WRNIP1: variants seen among roughly 807,000 people sequenced by gnomAD.
WRNIP1 encodes the protein WRN helicase interacting protein 1.
WRNIP1 carries 41 observed loss-of-function variants against 56.1 expected under a neutral mutation model. The observed-to-expected ratio is 0.73, with a 90% CI of 0.57 to 0.95. The LOEUF (loss-of-function observed/expected upper bound fraction) is 0.95, where lower values mean the gene tolerates loss of function less well. Among genes scored for constraint, WRNIP1 ranks in the 40% least tolerant of loss-of-function variants. The pLI, the probability that WRNIP1 is intolerant of heterozygous loss-of-function variation, is 0.00. For synonymous variants in WRNIP1, 547 were observed against 398.1 expected, an observed-to-expected ratio of 1.37 and a Z score of -4.45; for missense variants, 1,170 against 939.4, an observed-to-expected ratio of 1.25 and a Z score of -3.21.
chr6:2,779,207 A>G, intron 3 of WRNIP1, 56 bp from the exon 4 acceptor site: 3 of 1,564,528 alleles, frequency 1.9e-6, no homozygotes, highest in African/African-American at 1.4e-5. Flanking sequence ...AGACATGTGC[A>G]GAACAAGAAG....
intron 3 of WRNIP1, among the ~76,000 whole-genome samples, chr6:2,772,481 A>G (rs931377763): frequency 6.6e-6 from 1 of 152,238 alleles, no homozygotes; most frequent in Non-Finnish European, 1.5e-5. Flanking sequence ...TGGTTTGGAA[A>G]TGAATAAATC....
chr6:2,773,551 A>AG, intron 3 of WRNIP1: 1 of 985,416 alleles, frequency 1.0e-6, no homozygotes, highest in Non-Finnish European at 1.2e-6. Flanking sequence ...TCTCCCAAAA[A>AG]TATTTGGATC....
intron 3 of WRNIP1, among the ~76,000 whole-genome samples, chr6:2,776,987 AG>A (rs1196977077): frequency 2.6e-5 from 4 of 152,216 alleles, no homozygotes; most frequent in African/African-American, 9.6e-5. Flanking sequence ...TTAATGGTTA[AG>A]GATGTAAAAC....
rs1261256493 is a variant in WRNIP1 at position 2,770,284 on chromosome 6, C to T, written c.1179C>T (p.Ile393=). 2.5e-6 allele frequency: 4 copies of T among 1,614,014 alleles called. No individual in the cohort carries two copies. The highest frequency in any genetic ancestry group is 2.5e-6 in the Non-Finnish European group (3 of 1,180,032). Residue 393 remains isoleucine, a synonymous_variant, in exon 3 of 7, where the codon ATC becomes ATT. Coordinates refer to ENST00000380773, the MANE Select transcript of WRNIP1 (RefSeq NM_020135.3). ...EAMVTILMRA[I]NSLGIHVLDS... The stretch of plus-strand genomic sequence containing the variant: ...TGGTGACTATTTTAATGCGAGCGAT[C>T]AACTCCCTGGGAATCCACGTCCTAG...
rs761030803 is a variant in WRNIP1 at position 2,785,132 on chromosome 6, G to A, written c.1848G>A (p.Leu616=). 1.9e-6 allele frequency: 3 copies of A among 1,614,188 alleles called. No individual in the cohort carries two copies. The highest frequency in any genetic ancestry group is 2.5e-6 in the Non-Finnish European group (3 of 1,180,030). The change falls in exon 7 of 7, where the codon CTG becomes CTA. Residue 616 remains leucine (L), a synonymous_variant. Transcript: ENST00000380773. ...NHQGPLPPVP[L]HLRNAPTRLM... ...AGGGGCCACTGCCCCCCGTGCCCCTGCACCTGAGGAACGCGCCCACTAGGC... is the reference window on the plus strand; with the variant it reads ...AGGGGCCACTGCCCCCCGTGCCCCTACACCTGAGGAACGCGCCCACTAGGC...
intron 3 of WRNIP1, among the ~76,000 whole-genome samples, chr6:2,772,449 C>T (rs1487119431): frequency 6.6e-6 from 1 of 152,204 alleles, no homozygotes; most frequent in South Asian, 2.1e-4. Context: ...CAGTGCCTGG[C>T]ACACATTATG....
At chr6:2,777,175 T>G (rs1250876772) in intron 3 of WRNIP1, among the ~76,000 whole-genome samples, 1 of 152,196 alleles carries the variant, frequency 6.6e-6, no homozygotes, top group Non-Finnish European at 1.5e-5. Flanking sequence ...TCTCTATACT[T>G]TCCATATAAT....
At chr6:2,769,744 T>G (rs575548147) in intron 2 of WRNIP1, among the ~76,000 whole-genome samples, 4 of 152,178 alleles carry the variant, frequency 2.6e-5, no homozygotes, top group Non-Finnish European at 5.9e-5. Flanking sequence ...TGTTAATGTT[T>G]TTGTGTGTTC....
chr6:2,767,060 A>T (rs1328449393), intron 1 of WRNIP1, among the ~76,000 whole-genome samples: 1 of 152,214 alleles, frequency 6.6e-6, no homozygotes, highest in African/African-American at 2.4e-5. Flanking sequence ...AGTCATTTTC[A>T]TCCGGTATTT....
intron 3 of WRNIP1, among the ~76,000 whole-genome samples, chr6:2,778,161 C>G (rs1031214564): frequency 6.6e-6 from 1 of 152,130 alleles, no homozygotes; most frequent in Non-Finnish European, 1.5e-5. Flanking sequence ...CAAGCTGGGT[C>G]CCCTTCGGAA....
rs183440259 is a variant in WRNIP1 at position 2,779,027 on chromosome 6, A to C, written c.1257-236A>C. Among the ~76,000 whole-genome samples the C allele has an allele frequency of 1.1e-4, 16 of 152,334 alleles. No individual in the cohort carries two copies. The East Asian group carries it at 3.1e-3, about 29-fold the overall frequency. On this transcript the variant is annotated intron_variant, in intron 3 of 6. Coordinates refer to ENST00000380773, the MANE Select transcript of WRNIP1 (RefSeq NM_020135.3). The stretch of plus-strand genomic sequence containing the variant: ...CACACAGACTTAGATGTATGAACCT[A>C]TGCAGTGAGATACCCTCGACACTCA...
At chr6:2,767,948 C>G (rs1765098232) in intron 1 of WRNIP1, among the ~76,000 whole-genome samples, 1 of 152,204 alleles carries the variant, frequency 6.6e-6, no homozygotes, top group Non-Finnish European at 1.5e-5. Flanking sequence ...GAAAGTACCA[C>G]CTTTCCATTT....
At chr6:2,774,220 A>C (rs901838599) in intron 3 of WRNIP1, 7 of 985,352 alleles carry the variant, frequency 7.1e-6, no homozygotes, top group Non-Finnish European at 8.4e-6. Context: ...CATTAAAATA[A>C]TGCCATAAAA....
intron 3 of WRNIP1, 45 bp downstream of exon 3, chr6:2,770,406 A>G (rs1158926848): frequency 1.2e-6 from 2 of 1,605,944 alleles, no homozygotes; most frequent in African/African-American, 2.7e-5. Flanking sequence ...CACCTCCCAG[A>G]GAGTCTCCTG....
At chr6:2,771,051 A>G (rs907336047) in intron 3 of WRNIP1, among the ~76,000 whole-genome samples, 3 of 152,036 alleles carry the variant, frequency 2.0e-5, no homozygotes, top group Admixed American at 6.6e-5. Context: ...TTTTTTTAAT[A>G]TTAGAACATA....
intron 3 of WRNIP1, 79 bp downstream of exon 3, chr6:2,770,440 C>A (rs112477314): frequency 1.9e-6 from 3 of 1,571,788 alleles, no homozygotes; most frequent in Non-Finnish European, 1.7e-6. Flanking sequence ...AAGGGCCGGG[C>A]GTCAGTGAGG....
At position 2,773,295 on chromosome 6, in the gene WRNIP1, C is replaced by G. The variant is rs1049173315; in HGVS notation, c.1256+2934C>G. On this transcript the variant is annotated intron_variant, in intron 3 of 6. Transcript: ENST00000380773. ...CTTGTTCCTGTGCCTTCAGAGGGAG[C>G]GCAGTATGATGAAGGCTAGGGGAGC... 3.0e-6 allele frequency: 3 copies of G among 985,216 alleles called. No homozygotes were observed. The African/African-American group carries it at 5.2e-5, about 17-fold the overall frequency. 61.0% of individuals were successfully genotyped at this position (985,216 alleles called of 1,614,324 possible).
intron 3 of WRNIP1, 144 bp from the exon 4 acceptor site, chr6:2,779,119 A>C: frequency 2.4e-6 from 2 of 816,622 alleles, no homozygotes; most frequent in South Asian, 1.8e-5. Context: ...ATGATGCTTA[A>C]GCACATTGAC....
At chr6:2,771,529 G>T (rs573541989) in intron 3 of WRNIP1, among the ~76,000 whole-genome samples, 54 of 152,322 alleles carry the variant, frequency 3.5e-4, no homozygotes, top group African/African-American at 1.2e-3. Context: ...GGGGCTGCCA[G>T]CTCCTCATAT....
Sources: allele counts gnomAD v4.1 joint callset (sites outside exome capture counted in the v4.1 genomes callset), GRCh38; gene constraint gnomAD v4.1.1; transcripts MANE v1.5; gene names NCBI Gene and HGNC (gene_info 2026-07-23, HGNC 2026-07-21).